ENO3: variants seen among roughly 807,000 people sequenced by gnomAD.
ENO3 encodes the protein enolase 3.
A neutral mutation model predicts 47.7 loss-of-function variants in ENO3; 46 were observed. The observed-to-expected ratio is 0.96, with a 90% confidence interval of 0.76 to 1.23. The LOEUF (loss-of-function observed/expected upper bound fraction) is 1.23. Ranked by LOEUF, ENO3 falls within the 50% of genes most tolerant of loss-of-function variation. The pLI is 0.00. For missense variants in ENO3, 575 were observed against 566.2 expected (o/e 1.02, Z -0.16); for synonymous variants, 223 against 225.9 (o/e 0.99, Z 0.11).
At chr17:4,952,954 G>C in intron 3 of ENO3, 64 bp downstream of exon 3, 2 of 1,610,266 alleles carry the variant, frequency 1.2e-6, no homozygotes, top group South Asian at 2.2e-5. Flanking sequence ...TGCACAATGG[G>C]TAGAGGACTG....
Position 4,952,790 on chromosome 17 carries a change from C to T in ENO3, c.86-5C>T, listed in dbSNP as rs1971583387. On this transcript the variant is annotated splice_region_variant and splice_polypyrimidine_tract_variant and intron_variant, in intron 2 of 11. Transcript: ENST00000519602. ...CCTGTGATCTTCCAATTCCTCCTGTCCCAGGCCGATTCCGAGCAGCTGTGC... is the reference window on the plus strand; with the variant it reads ...CCTGTGATCTTCCAATTCCTCCTGTTCCAGGCCGATTCCGAGCAGCTGTGC... The T allele has an allele frequency of 7.7e-7, 1 of 1,298,850 alleles. No individual in the cohort carries two copies. The highest frequency in any genetic ancestry group is 1.4e-5 in the African/African-American group (1 of 72,328). The allele number at this position is 1,298,850 out of a possible 1,614,324, so 80.5% of individuals were successfully genotyped here. A position where few individuals can be genotyped will look rare whatever the true frequency, so the allele number is the denominator to read the frequency against.
In ENO3 at chr17:4,951,930, T is replaced by A; in HGVS notation, c.85+16T>A. 2.5e-6 allele frequency: 4 copies of A among 1,613,932 alleles called. No individual in the cohort carries two copies. The South Asian group carries it at 4.4e-5, about 18-fold the overall frequency. On this transcript the variant is annotated intron_variant, in intron 2 of 11. Transcript: ENST00000519602. ...ACGGCCAAGGGTAACACAAGGCCCA[T>A]TGGATAGGCTCGCCTCCGAAGACCC...
intron 1 of ENO3, 190 bp from the exon 2 acceptor site, chr17:4,951,638 G>A (rs758167899): frequency 5.7e-4 from 358 of 632,286 alleles, no homozygotes; most frequent in Non-Finnish European, 6.2e-4. Context: ...TAGGATGGGA[G>A]GGTGGAATAA....
At position 4,956,896 on chromosome 17, in the gene ENO3, C is replaced by G; in HGVS notation, c.1235+7C>G. Reference sequence around the variant, plus strand: ...AATACAACCAACTCATGAGGTACAGCGGGAACAGTGGGCCTGGGCATTGGG... The same window carrying G: ...AATACAACCAACTCATGAGGTACAGGGGGAACAGTGGGCCTGGGCATTGGG... On this transcript the variant is annotated splice_region_variant and intron_variant, in intron 11 of 11. Transcript: ENST00000519602. 1 of 1,614,208 alleles carries G rather than the reference C, an allele frequency of 6.2e-7. No homozygotes were observed. The highest frequency in any genetic ancestry group is 8.5e-7 in the Non-Finnish European group (1 of 1,180,038).
At chr17:4,956,184 C>G in intron 9 of ENO3, 41 bp downstream of exon 9, 1 of 1,607,114 alleles carries the variant, frequency 6.2e-7, no homozygotes, top group South Asian at 1.1e-5. Context: ...TAGCCTGCCT[C>G]TGCCCCAGCT....
intron 1 of ENO3, 70 bp downstream of exon 1, chr17:4,951,252 T>TG (rs1219871091): frequency 9.9e-7 from 1 of 1,006,218 alleles, no homozygotes; most frequent in Non-Finnish European, 1.2e-6. Flanking sequence ...TTGGAGGAAG[T>TG]GGGGGACATT....
At chr17:4,949,651 A>T (rs1971484374), upstream of ENO3, among the ~76,000 whole-genome samples, 1 of 151,948 alleles carries the variant, frequency 6.6e-6, no homozygotes, top group Admixed American at 6.5e-5. Flanking sequence ...GGCCGCGGTG[A>T]AACCGCCTCC....
Position 4,951,330 on chromosome 17 carries a change from C to G in ENO3, c.-3+148C>G, listed in dbSNP as rs1971532996. 4.1e-6 allele frequency: 4 copies of G among 970,462 alleles called. No individual in the cohort carries two copies. In the South Asian group the frequency reaches 1.5e-4, roughly 37 times the overall value. The allele number at this position is 970,462 out of a possible 1,614,324, so 60.1% of individuals were successfully genotyped here. On this transcript the variant is annotated intron_variant, in intron 1 of 11. Coordinates refer to ENST00000519602, the MANE Select transcript of ENO3 (RefSeq NM_053013.4). The stretch of plus-strand genomic sequence containing the variant: ...TGGGGGAAGGGGCGGCTGGAGCAAG[C>G]AGATGGGACAAACTCTGGGAACACC...
Position 4,952,879 on chromosome 17 carries a change from A to C in ENO3, c.170A>C (p.Tyr57Ser). ...CTAAGAGACGGAGACAAAGGCCGCTACCTGGGGAAAGGTGAGGAGACACCA... is the reference window on the plus strand; with the variant it reads ...CTAAGAGACGGAGACAAAGGCCGCTCCCTGGGGAAAGGTGAGGAGACACCA... ...LELRDGDKGR[Y>S]LGKGVLKAVE... The change falls in exon 3 of 12, where the codon TAC becomes TCC. Residue 57 changes from tyrosine (Y) to serine (S), a missense_variant. By Grantham distance (144) the Tyr-to-Ser change is moderately radical. Transcript: ENST00000519602. The C allele has an allele frequency of 6.2e-7, 1 of 1,612,286 alleles. No individual in the cohort carries two copies. The highest frequency in any genetic ancestry group is 8.5e-7 in the Non-Finnish European group (1 of 1,179,040).
Position 4,955,109 on chromosome 17 carries a change from G to A in ENO3, c.479G>A (p.Gly160Glu). 6.2e-7 allele frequency: 1 copy of A among 1,614,142 alleles called. No homozygotes were observed. Among genetic ancestry groups the A allele is most frequent in the Non-Finnish European group, 8.5e-7 (1 of 1,180,044 alleles). ...GTGATCAACGGGGGCTCCCATGCTG[G>A]AAACAAGCTGGCCATGCAGGAGTTC... ...FNVINGGSHA[G>E]NKLAMQEFMI... The change falls in exon 7 of 12, where the codon GGA becomes GAA. Residue 160 changes from glycine to glutamate, a missense_variant. Gly to Glu is a moderately conservative substitution (Grantham distance 98). Coordinates refer to ENST00000519602, the MANE Select transcript of ENO3 (RefSeq NM_053013.4).
rs745352059 is a variant in ENO3, at chr17:4,955,933, C to G, written c.866-9C>G. 3 of 1,612,720 alleles carry G rather than the reference C, an allele frequency of 1.9e-6. No homozygotes were observed. The highest frequency in any genetic ancestry group is 2.5e-6 in the Non-Finnish European group (3 of 1,179,780). On this transcript the variant is annotated splice_polypyrimidine_tract_variant and intron_variant, in intron 8 of 11. Coordinates refer to ENST00000519602, the MANE Select transcript of ENO3 (RefSeq NM_053013.4). ...GTCTCTGCCCTGTCTCTGCTCCAAACCCCACCAGTGGTCTCCATCGAAGAC... is the reference window on the plus strand; with the variant it reads ...GTCTCTGCCCTGTCTCTGCTCCAAAGCCCACCAGTGGTCTCCATCGAAGAC...
intron 6 of ENO3, 127 bp downstream of exon 6, chr17:4,953,972 A>G: frequency 7.0e-7 from 1 of 1,428,980 alleles, no homozygotes; most frequent in Non-Finnish European, 9.6e-7. Context: ...CTGAAATTGA[A>G]TCTCTCCTGC....
chr17:4,948,955 G>T (rs562547327), upstream of ENO3: 14 of 152,216 alleles, frequency 9.2e-5, 1 homozygote, highest in African/African-American at 3.4e-4. Context: ...TCCGCCGAAG[G>T]GAAGGACCGG....
chr17:4,949,067 A>G (rs1828946327), upstream of ENO3: 1 of 151,616 alleles, frequency 6.6e-6, no homozygotes, highest in Non-Finnish European at 1.5e-5. Context: ...GCCCGGCCCG[A>G]CCCGTGTGGA....
chr17:4,953,862 G>T lies in ENO3; in HGVS notation c.444+17G>T. ...CCAGTGCCAGTGAGTGCAGCTACCC[G>T]CCCTTCCCAGATCTCGCCTGGACAG... On this transcript the variant is annotated intron_variant, in intron 6 of 11. Coordinates refer to ENST00000519602, the MANE Select transcript of ENO3 (RefSeq NM_053013.4). 6.2e-7 allele frequency: 1 copy of T among 1,613,882 alleles called. No individual in the cohort carries two copies. Among genetic ancestry groups the T allele is most frequent in the Non-Finnish European group, 8.5e-7 (1 of 1,179,938 alleles).
chr17:4,949,630 G>A (rs1239557917), upstream of ENO3, among the ~76,000 whole-genome samples: 4 of 152,066 alleles, frequency 2.6e-5, no homozygotes, highest in South Asian at 2.1e-4. Flanking sequence ...CGGGCGGGAC[G>A]GCCGTGCGGC....
intron 2 of ENO3, 44 bp from the exon 3 acceptor site, chr17:4,952,751 C>A (rs371209902): frequency 1.2e-5 from 19 of 1,564,756 alleles, no homozygotes; most frequent in South Asian, 1.2e-5. Flanking sequence ...CATGGGCCAC[C>A]GCGCCCAGCC....
In ENO3 at chr17:4,953,194, C is replaced by T. The variant is rs546785438; in HGVS notation, c.241-78C>T. On this transcript the variant is annotated intron_variant, in intron 4 of 11. Transcript: ENST00000519602. ...GACAGGCCTCTCCCGAAACATTTTC[C>T]CTTATCCTTCCCCTGCATGTGCCCT... is the stretch of plus-strand genomic sequence containing the variant. The T allele has an allele frequency of 4.0e-4, 640 of 1,612,772 alleles. 1 individual carries two copies. Among genetic ancestry groups the T allele is most frequent in the Non-Finnish European group, 5.2e-4 (616 of 1,178,688 alleles).
chr17:4,952,223 C>T (rs1233611685), intron 2 of ENO3: 3 of 428,874 alleles, frequency 7.0e-6, no homozygotes, highest in Admixed American at 5.9e-5. Context: ...GTGGCCCGGG[C>T]TGGAGTGCAG....
Sources: allele counts gnomAD v4.1 joint callset (sites outside exome capture counted in the v4.1 genomes callset), GRCh38; gene constraint gnomAD v4.1.1; transcripts MANE v1.5; gene names NCBI Gene and HGNC (gene_info 2026-07-23, HGNC 2026-07-21).